Variants in SRRM2 observed in about 807,000 individuals in gnomAD.
The protein encoded by SRRM2 is serine/arginine repetitive matrix 2.
In SRRM2, 30 loss-of-function variants were observed where a neutral mutation model predicts 213.8. The observed-to-expected ratio is 0.14, with a 90% CI of 0.10 to 0.19. SRRM2 has a LOEUF of 0.19. SRRM2 is among the 10% of genes least tolerant of loss of function. SRRM2 has a pLI of 1.00. For missense variants in SRRM2, 4,904 were observed against 3,647.0 expected (o/e 1.34, Z -8.88); for synonymous variants, 2,025 against 1,377.7 (o/e 1.47, Z -10.40).
At chr16:2,759,430 A>C (rs763833569) in intron 8 of SRRM2, 28 bp downstream of exon 8, 1 of 1,594,544 alleles carries the variant, frequency 6.3e-7, no homozygotes, top group Admixed American at 1.8e-5. Context: ...GAATTTGCTT[A>C]GGAAGTAAGT....
rs1264665607 is a variant in SRRM2 at position 2,764,931 on chromosome 16, A to T, written c.4403A>T (p.Asp1468Val). 6.2e-7 allele frequency: 1 copy of T among 1,614,034 alleles called. No individual in the cohort carries two copies. Among genetic ancestry groups the T allele is most frequent in the African/African-American group, 1.3e-5 (1 of 74,904 alleles). ...SLSGSSPGMKDIPRTPSRGRS... is the reference protein window; with the variant it reads ...SLSGSSPGMKVIPRTPSRGRS... ...TCTGGGTCCTCTCCTGGAATGAAAG[A>T]TATACCTAGAACGCCATCTAGAGGG... is the stretch of plus-strand genomic sequence containing the variant. The change falls in exon 11 of 15, where the codon GAT becomes GTT. Residue 1468 changes from aspartate (D) to valine (V), a missense_variant. Physicochemically the swap from Asp to Val is radical, Grantham distance 152. Coordinates refer to ENST00000301740, the MANE Select transcript of SRRM2 (RefSeq NM_016333.4).
chr16:2,768,174 C>T lies in SRRM2; in HGVS notation c.7646C>T (p.Ser2549Leu), dbSNP rs1295277657. ...AGCTCCTCCTCTTCTTCATCATCGT[C>T]GTCGTCGTCCTCCTCCTCCTCTGGC... ...SSSSSSSSSS[S>L]SSSSSSSGSS... The change falls in exon 11 of 15, where the codon TCG (serine) becomes TTG (leucine). Residue 2549 changes from serine (S) to leucine (L), a missense_variant. By Grantham distance (145) the Ser-to-Leu change is moderately radical (BLOSUM62 -2). Coordinates refer to ENST00000301740, the MANE Select transcript of SRRM2 (RefSeq NM_016333.4). 6.8e-6 allele frequency: 11 copies of T among 1,612,670 alleles called. No individual in the cohort carries two copies. Among genetic ancestry groups the T allele is most frequent in the Middle Eastern group, 1.6e-4 (1 of 6,082 alleles).
rs1360489421 is a variant in SRRM2, at chr16:2,760,287, A to T, written c.834-14A>T. The T allele has an allele frequency of 5.6e-6, 9 of 1,610,674 alleles. No individual in the cohort carries two copies. The highest frequency in any genetic ancestry group is 1.3e-5 in the African/African-American group (1 of 74,848). On this transcript the variant is annotated splice_polypyrimidine_tract_variant and intron_variant, in intron 9 of 14. Coordinates refer to ENST00000301740, the MANE Select transcript of SRRM2 (RefSeq NM_016333.4). The stretch of plus-strand genomic sequence containing the variant: ...ATTTCCTTCCTCTCCCACGTCCTCA[A>T]TTAACTCCTGCAGGTCTCGAAGTGC...
In SRRM2 at chr16:2,752,747, G is replaced by A; in HGVS notation, c.-131G>A. The A allele has an allele frequency of 2.8e-6, 1 of 353,762 alleles. No homozygotes were observed. The highest frequency in any genetic ancestry group is 3.5e-5 in the Admixed American group (1 of 28,780). 21.9% of individuals were successfully genotyped at this position (353,762 alleles called of 1,614,324 possible). A position where few individuals can be genotyped will look rare whatever the true frequency, so the allele number is the denominator to read the frequency against. On this transcript the variant is annotated 5_prime_UTR_variant, in exon 1 of 15. Coordinates refer to ENST00000301740, the MANE Select transcript of SRRM2 (RefSeq NM_016333.4). ...GGCGTCGGCTGAGGCGGGCGGACCG[G>A]CGAGGCGAGGCGGCGGCCCCAGGCC...
intron 2 of SRRM2, 94 bp from the exon 3 acceptor site, chr16:2,757,378 A>AGG (rs2068182236): frequency 3.7e-6 from 4 of 1,075,920 alleles, no homozygotes; most frequent in Non-Finnish European, 5.6e-6. Context: ...GCGCATGGAG[A>AGG]GGGAGGGGCC....
Position 2,762,778 on chromosome 16 carries a change from G to T in SRRM2, c.2250G>T (p.Lys750Asn), listed in dbSNP as rs368277218. 3 of 1,614,128 alleles carry T rather than the reference G, an allele frequency of 1.9e-6. No individual in the cohort carries two copies. The South Asian group carries it at 3.3e-5, about 18-fold the overall frequency. The change falls in exon 11 of 15, where the codon AAG (lysine) becomes AAT (asparagine). Residue 750 changes from lysine (K) to asparagine (N), a missense_variant. By Grantham distance (94) the Lys-to-Asn change is moderately conservative (BLOSUM62 0). Coordinates refer to ENST00000301740, the MANE Select transcript of SRRM2 (RefSeq NM_016333.4). ...GGTCCAATTCAAGCCCAGAAATGAA[G>T]AAATCTCGCATTTCTTCAAGGCGGA... ...RSRSNSSPEM[K>N]KSRISSRRSR...
rs372680597 is a variant in SRRM2, at chr16:2,767,629, C to G, written c.7101C>G (p.Thr2367=). ...TAAALAPASL[T]SARMAPALSG... ...CAGCCTTGGCCCCCGCGAGCCTCAC[C>G]AGTGCTAGGATGGCTCCAGCATTGT... The change falls in exon 11 of 15, where the codon ACC becomes ACG. Residue 2367 remains threonine, a synonymous_variant. Transcript: ENST00000301740. The G allele has an allele frequency of 1.4e-4, 229 of 1,614,210 alleles. 2 individuals carry two copies. Among genetic ancestry groups the G allele is most frequent in the South Asian group, 1.2e-3 (105 of 91,086 alleles).
In SRRM2 at chr16:2,768,150, GCTC is replaced by G. The variant is rs762670589; in HGVS notation, c.7629_7631del (p.Ser2556del). 117 of 1,613,298 alleles carry G rather than the reference GCTC, an allele frequency of 7.3e-5. No homozygotes were observed. Among genetic ancestry groups the G allele is most frequent in the Middle Eastern group, 6.6e-4 (4 of 6,068 alleles). ...TCCTCCTCGTCGTCGTCGTCCTCTA[GCTC>G]CTCCTCTTCTTCATCATCGTCGTCG... On this transcript the variant is annotated inframe_deletion, in exon 11 of 15. Coordinates refer to ENST00000301740, the MANE Select transcript of SRRM2 (RefSeq NM_016333.4).
chr16:2,761,886 T>G lies in SRRM2; in HGVS notation c.1358T>G (p.Ile453Ser). The G allele has an allele frequency of 3.1e-6, 5 of 1,612,380 alleles. No homozygotes were observed. The highest frequency in any genetic ancestry group is 4.2e-6 in the Non-Finnish European group (5 of 1,179,912). Residue 453 changes from isoleucine (I) to serine (S), a missense_variant, in exon 11 of 15, where the codon ATT (isoleucine) becomes AGT (serine). Transcript: ENST00000301740. ...PAPAPGSHREISSSPTSKNRS... is the reference protein window; with the variant it reads ...PAPAPGSHRESSSSPTSKNRS... ...CCAGCTCCAGGGTCCCACCGAGAGA[T>G]TTCTTCTTCTCCCACATCTAAGAAT... is the stretch of plus-strand genomic sequence containing the variant.
At position 2,752,721 on chromosome 16, in the gene SRRM2, C is replaced by T. The variant is rs776668508; in HGVS notation, c.-157C>T. 8.5e-4 allele frequency: 305 copies of T among 358,450 alleles called. No individual in the cohort carries two copies. Among genetic ancestry groups the T allele is most frequent in the Non-Finnish European group, 1.5e-3 (274 of 180,352 alleles). 22.2% of individuals were successfully genotyped at this position (358,450 alleles called of 1,614,324 possible). On this transcript the variant is annotated 5_prime_UTR_variant, in exon 1 of 15. Coordinates refer to ENST00000301740, the MANE Select transcript of SRRM2 (RefSeq NM_016333.4). ...GGCCCCTGAGGAAGCGAGGAGGCGT[C>T]GGCGTCGGCTGAGGCGGGCGGACCG...
In SRRM2 at chr16:2,752,762, G is replaced by A; in HGVS notation, c.-116G>A. ...GGGCGGACCGGCGAGGCGAGGCGGC[G>A]GCCCCAGGCCCGAGGGACTCGGGAG... On this transcript the variant is annotated 5_prime_UTR_variant, in exon 1 of 15. Coordinates refer to ENST00000301740, the MANE Select transcript of SRRM2 (RefSeq NM_016333.4). 2.8e-6 allele frequency: 1 copy of A among 357,850 alleles called. No homozygotes were observed. The allele number at this position is 357,850 out of a possible 1,614,324, so 22.2% of individuals were successfully genotyped here. A position where few individuals can be genotyped will look rare whatever the true frequency, so the allele number is the denominator to read the frequency against.
At position 2,762,856 on chromosome 16, in the gene SRRM2, G is replaced by A. The variant is rs1364623786; in HGVS notation, c.2328G>A (p.Arg776=). The part of the protein sequence containing the change: ...RSKAKSRLSL[R]RSLSGSSPCP... ...AAGCAAAATCTCGCTTGTCTTTGAG[G>A]CGCAGCCTTTCAGGGTCTTCCCCAT... is the stretch of plus-strand genomic sequence containing the variant. The change falls in exon 11 of 15, where the codon AGG becomes AGA. Residue 776 remains arginine (R), a synonymous_variant. Coordinates refer to ENST00000301740, the MANE Select transcript of SRRM2 (RefSeq NM_016333.4). The A allele has an allele frequency of 6.2e-6, 10 of 1,614,126 alleles. No individual in the cohort carries two copies. Among genetic ancestry groups the A allele is most frequent in the Non-Finnish European group, 8.5e-6 (10 of 1,180,026 alleles).
rs959444059 is a variant in SRRM2, at chr16:2,761,544, C to T, written c.1033-17C>T. The T allele has an allele frequency of 4.0e-6, 6 of 1,483,224 alleles. No individual in the cohort carries two copies. Among genetic ancestry groups the T allele is most frequent in the East Asian group, 4.7e-5 (2 of 42,218 alleles). The allele number at this position is 1,483,224 out of a possible 1,614,324, so 91.9% of individuals were successfully genotyped here. A position where few individuals can be genotyped will look rare whatever the true frequency, so the allele number is the denominator to read the frequency against. ...GCGTTTATGAATCCCTATCCCTGCT[C>T]TCTCTTCCACTCTTAGAAATCTGCA... On this transcript the variant is annotated splice_polypyrimidine_tract_variant and intron_variant, in intron 10 of 14. Coordinates refer to ENST00000301740, the MANE Select transcript of SRRM2 (RefSeq NM_016333.4).
chr16:2,757,673 C>T (rs2068194609), intron 3 of SRRM2, 94 bp downstream of exon 3: 3 of 1,579,598 alleles, frequency 1.9e-6, no homozygotes, highest in African/African-American at 2.7e-5. Flanking sequence ...TTCCTCCCTG[C>T]TTTCGTCTGC....
chr16:2,756,232 A>G (rs562583417), intron 1 of SRRM2, 102 bp from the exon 2 acceptor site: 51 of 1,107,040 alleles, frequency 4.6e-5, no homozygotes, highest in African/African-American at 1.7e-4. Context: ...GTGAAGATCA[A>G]TGTTGAATTA....
chr16:2,765,836 C>T lies in SRRM2; in HGVS notation c.5308C>T (p.Leu1770Phe). The change falls in exon 11 of 15, where the codon CTC becomes TTC. Residue 1770 changes from leucine (L) to phenylalanine (F), a missense_variant. By Grantham distance (22) the Leu-to-Phe change is conservative. Coordinates refer to ENST00000301740, the MANE Select transcript of SRRM2 (RefSeq NM_016333.4). Reference sequence around the variant, plus strand: ...CTCTCCTTCGCCAAAGCCTCGTGGACTCCAGAGGTCCCGTTCCCGCTCAAG... The same window carrying T: ...CTCTCCTTCGCCAAAGCCTCGTGGATTCCAGAGGTCCCGTTCCCGCTCAAG... ...GRSPSPKPRG[L>F]QRSRSRSRRE... is the part of the protein sequence containing the mutation. The T allele has an allele frequency of 3.7e-6, 6 of 1,614,084 alleles. No homozygotes were observed. The highest frequency in any genetic ancestry group is 1.1e-5 in the South Asian group (1 of 91,078).
Position 2,765,889 on chromosome 16 carries a change from T to G in SRRM2, c.5361T>G (p.Arg1787=). The G allele has an allele frequency of 6.2e-7, 1 of 1,614,084 alleles. No individual in the cohort carries two copies. Among genetic ancestry groups the G allele is most frequent in the East Asian group, 2.2e-5 (1 of 44,872 alleles). ...GAGAGAAAACAAGAACAACCCGACGTCGAGATAGGTCTGGATCTTCTCAGT... is the reference window on the plus strand; with the variant it reads ...GAGAGAAAACAAGAACAACCCGACGGCGAGATAGGTCTGGATCTTCTCAGT... The part of the protein sequence containing the change: ...SRREKTRTTR[R]RDRSGSSQST... The change falls in exon 11 of 15, where the codon CGT becomes CGG. Residue 1787 remains arginine (R), a synonymous_variant. Transcript: ENST00000301740.
chr16:2,764,328 A>T lies in SRRM2; in HGVS notation c.3800A>T (p.Asn1267Ile). ...GAACTTAAAGAAATGTCCACAAGTA[A>T]CTTTGAATCATCTCCTGAAGTAGAA... ...SSELKEMSTS[N>I]FESSPEVEER... Residue 1267 changes from asparagine to isoleucine, a missense_variant, in exon 11 of 15, where the codon AAC (asparagine) becomes ATC (isoleucine). Physicochemically the swap from Asn to Ile is moderately radical, Grantham distance 149 (BLOSUM62 -3). Coordinates refer to ENST00000301740, the MANE Select transcript of SRRM2 (RefSeq NM_016333.4). The T allele has an allele frequency of 6.2e-7, 1 of 1,614,210 alleles. No individual in the cohort carries two copies. Among genetic ancestry groups the T allele is most frequent in the Non-Finnish European group, 8.5e-7 (1 of 1,180,040 alleles).
Position 2,767,387 on chromosome 16 carries a change from C to T in SRRM2, c.6859C>T (p.Pro2287Ser), listed in dbSNP as rs1596290563. The T allele has an allele frequency of 6.2e-7, 1 of 1,613,878 alleles. No individual in the cohort carries two copies. Among genetic ancestry groups the T allele is most frequent in the Non-Finnish European group, 8.5e-7 (1 of 1,180,022 alleles). Reference sequence around the variant, plus strand: ...ACCTTCGGCTGTGAACCTGGCTGACCCTCGCACTCCCACAGCCCCAGCTGT... The same window carrying T: ...ACCTTCGGCTGTGAACCTGGCTGACTCTCGCACTCCCACAGCCCCAGCTGT... ...VAPSAVNLAD[P>S]RTPTAPAVNL... Residue 2287 changes from proline to serine, a missense_variant, in exon 11 of 15, where the codon CCT becomes TCT. Coordinates refer to ENST00000301740, the MANE Select transcript of SRRM2 (RefSeq NM_016333.4).
Sources: gnomAD v4.1 joint callset for allele counts on GRCh38, gnomAD v4.1.1 for gene constraint, MANE v1.5 for transcripts, NCBI Gene and HGNC (gene_info 2026-07-23, HGNC 2026-07-21) for gene names.